THBS4: variants seen among roughly 807,000 people sequenced by gnomAD.
THBS4 encodes the protein thrombospondin 4, also known as thrombospondin-4.
In THBS4, 90 loss-of-function variants were observed where a neutral mutation model predicts 115.7. That is an observed-to-expected ratio of 0.78 (90% CI 0.66 to 0.93). The LOEUF is 0.93. Ranked by LOEUF, THBS4 falls within the 40% of genes least tolerant of loss-of-function variation. THBS4 has a pLI of 0.00. For synonymous variants in THBS4, 460 were observed against 479.3 expected, an observed-to-expected ratio of 0.96 and a Z score of 0.53; for missense variants, 1,087 against 1,232.7, an observed-to-expected ratio of 0.88 and a Z score of 1.77.
At chr5:80,033,258 CT>C, upstream of THBS4, 1 of 399,452 alleles carries the variant, frequency 2.5e-6, no homozygotes, top group Non-Finnish European at 5.1e-6. Flanking sequence ...GCAGGGTGCC[CT>C]CCAACACATC....
At chr5:80,050,453 T>G (rs1052528396) in intron 2 of THBS4, among the ~76,000 whole-genome samples, 13 of 152,004 alleles carry the variant, frequency 8.6e-5, no homozygotes, top group African/African-American at 3.1e-4. Flanking sequence ...CAGAAATGAT[T>G]GGGCCACATT....
chr5:80,074,741 G>A (rs1341951927), intron 15 of THBS4, among the ~76,000 whole-genome samples: 2 of 151,366 alleles, frequency 1.3e-5, no homozygotes, highest in Non-Finnish European at 2.9e-5. Context: ...AGACTCCCAC[G>A]TACCTGGGAT....
intron 21 of THBS4, among the ~76,000 whole-genome samples, 194 bp from the exon 22 acceptor site, chr5:80,082,886 C>T (rs1487086280): frequency 6.6e-6 from 1 of 152,220 alleles, no homozygotes; most frequent in Non-Finnish European, 1.5e-5. Context: ...TCTGCACGGC[C>T]GGGAAGGAGC....
At chr5:80,036,329 A>C (rs1293291157) in intron 1 of THBS4, among the ~76,000 whole-genome samples, 1 of 152,120 alleles carries the variant, frequency 6.6e-6, no homozygotes, top group Non-Finnish European at 1.5e-5. Flanking sequence ...TAAGCAGTGG[A>C]TAGATATGGA....
At chr5:80,070,220 A>T (rs1186627874) in intron 10 of THBS4, 86 bp from the exon 11 acceptor site, 1 of 1,162,646 alleles carries the variant, frequency 8.6e-7, no homozygotes, top group East Asian at 2.4e-5. Flanking sequence ...CCTGGGATTG[A>T]GCAAAGGAGC....
At chr5:80,052,782 T>C (rs1376700974) in intron 2 of THBS4, 1 of 152,174 alleles carries the variant, frequency 6.6e-6, no homozygotes, top group Non-Finnish European at 1.5e-5. Flanking sequence ...TTAAAATATA[T>C]CCTTCATGTT....
rs543140236 is a variant in THBS4 at position 80,025,060 on chromosome 5, A to G, written n.178-15017A>G. Among the ~76,000 whole-genome samples, 6 of 152,220 alleles carry G rather than the reference A, an allele frequency of 3.9e-5. No individual in the cohort carries two copies. In the East Asian group the frequency reaches 1.2e-3, roughly 29 times the overall value. Reference sequence around the variant, plus strand: ...GGTGCGTTATAATTATAACTATGGCACTCATCTGTCCCACCTCATTGTTGT... The same window carrying G: ...GGTGCGTTATAATTATAACTATGGCGCTCATCTGTCCCACCTCATTGTTGT... On this transcript the variant is annotated intron_variant and non_coding_transcript_variant, in intron 2 of 3. Transcript: ENST00000510218.
At chr5:80,038,370 A>G (rs1367436754) in intron 1 of THBS4, among the ~76,000 whole-genome samples, 1 of 152,138 alleles carries the variant, frequency 6.6e-6, no homozygotes, top group East Asian at 1.9e-4. Context: ...CACATCTGTA[A>G]GTATTCAGCT....
chr5:79,999,582 G>A (rs999874125), intron 2 of THBS4, among the ~76,000 whole-genome samples: 1 of 152,116 alleles, frequency 6.6e-6, no homozygotes, highest in Non-Finnish European at 1.5e-5. Flanking sequence ...AGATTAATAG[G>A]CTGCCATCGA....
intron 6 of THBS4, 44 bp downstream of exon 6, chr5:80,059,535 C>A: frequency 1.2e-6 from 2 of 1,611,258 alleles, no homozygotes; most frequent in Non-Finnish European, 1.7e-6. Context: ...TTGGATGATG[C>A]AGGCTGATGA....
intron 9 of THBS4, chr5:80,067,772 C>G: frequency 7.4e-6 from 4 of 543,986 alleles, no homozygotes; most frequent in Non-Finnish European, 1.3e-5. Context: ...TCTGAGTGGC[C>G]GGACGCAGCC....
chr5:80,029,756 G>A (rs1329671477), intron 2 of THBS4, among the ~76,000 whole-genome samples: 1 of 150,860 alleles, frequency 6.6e-6, no homozygotes, highest in Non-Finnish European at 1.5e-5. Context: ...TCAGGAGATT[G>A]AGACCATCCT....
At chr5:80,040,308 T>C (rs1350279972) in intron 2 of THBS4, 28 bp downstream of exon 2, 1 of 1,558,844 alleles carries the variant, frequency 6.4e-7, no homozygotes, top group Non-Finnish European at 8.8e-7. Flanking sequence ...AATTATTTTC[T>C]TAAAAATCTC....
chr5:80,014,322 A>C (rs1212160650), intron 2 of THBS4, among the ~76,000 whole-genome samples: 1 of 152,210 alleles, frequency 6.6e-6, no homozygotes, highest in Non-Finnish European at 1.5e-5. Context: ...TCTTCAGGTG[A>C]TGTGCCAATG....
chr5:80,011,156 C>T (rs1384457936), intron 2 of THBS4, among the ~76,000 whole-genome samples: 1 of 152,222 alleles, frequency 6.6e-6, no homozygotes, highest in East Asian at 1.9e-4. Flanking sequence ...CACACTTTCT[C>T]TCTTTGCCTG....
rs201484316 is a variant in THBS4 at position 79,996,144 on chromosome 5, C to CA, written n.82-2179dup. 8.1e-5 allele frequency among the ~76,000 whole-genome samples: 12 copies of CA among 148,734 alleles called. 1 individual carries two copies. The highest frequency in any genetic ancestry group is 1.0e-4 in the Non-Finnish European group (7 of 67,060). On this transcript the variant is annotated intron_variant and non_coding_transcript_variant, in intron 1 of 3. Transcript: ENST00000510218. ...AGAGTGACTCTGTCACACATACACACAAAAAAAAAGGCGGAATAATTTAGA... is the reference window on the plus strand; with the variant it reads ...AGAGTGACTCTGTCACACATACACACAAAAAAAAAAGGCGGAATAATTTAGA...
chr5:80,062,686 CCCCCTA>C (rs1833678654), intron 8 of THBS4, among the ~76,000 whole-genome samples: 1 of 152,126 alleles, frequency 6.6e-6, no homozygotes, highest in South Asian at 2.1e-4. Flanking sequence ...CTTCCCCCCT[CCCCCTA>C]CCCCATGACA....
rs192014601 is a variant in THBS4, at chr5:80,012,454, T to C, written n.177+14027T>C. Among the ~76,000 whole-genome samples, 27 of 152,198 alleles carry C rather than the reference T, an allele frequency of 1.8e-4. No homozygotes were observed. In the East Asian group the frequency reaches 4.1e-3, roughly 23 times the overall value. ...TGGTGTGTACAACAGGAAAAACACA[T>C]TAAAACTCTAGAAACCCAAACAGAG... On this transcript the variant is annotated intron_variant and non_coding_transcript_variant, in intron 2 of 3. Coordinates refer to the THBS4 transcript ENST00000510218.
At chr5:80,042,238 C>T (rs558359046) in intron 2 of THBS4, among the ~76,000 whole-genome samples, 3 of 152,368 alleles carry the variant, frequency 2.0e-5, no homozygotes, top group South Asian at 4.1e-4. Context: ...TTGAATCAAA[C>T]AGCCCCATTT....
Sources: gnomAD v4.1 joint callset for allele counts (sites outside exome capture counted in the v4.1 genomes callset) on GRCh38, gnomAD v4.1.1 for gene constraint, MANE v1.5 for transcripts, NCBI Gene and HGNC (gene_info 2026-07-23, HGNC 2026-07-21) for gene names.